Variants in SGCZ observed in about 807,000 individuals in gnomAD.
SGCZ encodes the protein sarcoglycan zeta, also known as zeta-sarcoglycan.
Under a neutral mutation model 41.3 loss-of-function variants are expected in SGCZ, and 40 were observed. The ratio of observed to expected loss-of-function variants is 0.97; its 90% CI spans 0.75 to 1.26. SGCZ has a LOEUF of 1.26. Ranked by LOEUF, SGCZ falls within the 50% of genes most tolerant of loss-of-function variation. The probability of loss-of-function intolerance (pLI) is 0.00; values close to 1 mark genes in which losing one functional copy is unlikely to be tolerated. For missense variants in SGCZ, 552 were observed against 369.8 expected, an observed-to-expected ratio of 1.49 and a Z score of -4.04; for synonymous variants, 206 against 137.5, an observed-to-expected ratio of 1.50 and a Z score of -3.49.
chr8:14,515,073 TA>T (rs1399424315), intron 2 of SGCZ, among the ~76,000 whole-genome samples: 1 of 152,024 alleles, frequency 6.6e-6, no homozygotes, highest in Non-Finnish European at 1.5e-5. Flanking sequence ...AACTTTGCTC[TA>T]GGGAAAATAG....
At chr8:14,531,202 A>G (rs1482624119) in intron 2 of SGCZ, among the ~76,000 whole-genome samples, 6 of 151,920 alleles carry the variant, frequency 3.9e-5, no homozygotes, top group Non-Finnish European at 8.8e-5. Flanking sequence ...GCCTATTCAT[A>G]AACCTATCAG....
intron 1 of SGCZ, among the ~76,000 whole-genome samples, chr8:14,695,339 T>G (rs1054020760): frequency 2.0e-5 from 3 of 152,198 alleles, no homozygotes; most frequent in African/African-American, 7.2e-5. Flanking sequence ...AATTATTTTA[T>G]ATGTATTGCA....
intron 1 of SGCZ, among the ~76,000 whole-genome samples, chr8:14,830,659 TC>T (rs1802495328): frequency 6.6e-6 from 1 of 152,282 alleles, no homozygotes; most frequent in South Asian, 2.1e-4. Flanking sequence ...ATTATTTTTT[TC>T]ATATCACAGT....
At chr8:14,375,672 G>T (rs77198382) in intron 2 of SGCZ, among the ~76,000 whole-genome samples, 6,803 of 152,150 alleles carry the variant, frequency 0.045, 498 homozygotes, top group African/African-American at 0.15. Context: ...TTACACAACT[G>T]TGGAAAATAA....
chr8:14,992,093 T>C lies in SGCZ; in HGVS notation c.39+245492A>G, dbSNP rs888399904. 1.0e-4 allele frequency among the ~76,000 whole-genome samples: 15 copies of C among 146,368 alleles called. 2 individuals are homozygous for C. Among genetic ancestry groups the C allele is most frequent in the Admixed American group, 8.9e-4 (13 of 14,566 alleles). ...ATTTACCTCTCACCCATCCTCCTCA[T>C]CCAATCTACTCCCAAATCTATTCCC... On this transcript the variant is annotated intron_variant, in intron 1 of 7. Transcript: ENST00000382080.
intron 1 of SGCZ, among the ~76,000 whole-genome samples, chr8:14,942,701 C>T (rs1443777903): frequency 6.6e-6 from 1 of 152,140 alleles, no homozygotes; most frequent in South Asian, 2.1e-4. Context: ...AACTATATTT[C>T]TCCCTTTTGT....
intron 1 of SGCZ, among the ~76,000 whole-genome samples, chr8:15,116,189 T>G (rs1368960414): frequency 6.6e-6 from 1 of 152,194 alleles, no homozygotes; most frequent in Non-Finnish European, 1.5e-5. Flanking sequence ...AACTCTTCAT[T>G]TTTAAATGTA....
chr8:14,276,554 C>G (rs1002582952), intron 3 of SGCZ, among the ~76,000 whole-genome samples: 2 of 152,138 alleles, frequency 1.3e-5, no homozygotes, highest in African/African-American at 2.4e-5. Flanking sequence ...TATCACTGGA[C>G]TCTGCTCTCT....
At chr8:14,379,250 T>C (rs1232235826) in intron 2 of SGCZ, among the ~76,000 whole-genome samples, 4 of 152,176 alleles carry the variant, frequency 2.6e-5, no homozygotes, top group Admixed American at 1.3e-4. Flanking sequence ...TTTCTCACCA[T>C]TTTAAGTAAC....
intron 1 of SGCZ, among the ~76,000 whole-genome samples, chr8:14,762,782 G>A (rs537813871): frequency 6.6e-6 from 1 of 152,156 alleles, no homozygotes; most frequent in South Asian, 2.1e-4. Context: ...TGAAATACAT[G>A]AAGAAGTATT....
At chr8:15,191,826 C>CTCTATTT (rs1022895178) in intron 1 of SGCZ, among the ~76,000 whole-genome samples, 1 of 151,976 alleles carries the variant, frequency 6.6e-6, no homozygotes, top group African/African-American at 2.4e-5. Flanking sequence ...TTTAATTATA[C>CTCTATTT]AAAATGACTC....
At chr8:14,637,653 C>T (rs893305249) in intron 1 of SGCZ, among the ~76,000 whole-genome samples, 3 of 151,742 alleles carry the variant, frequency 2.0e-5, no homozygotes, top group Admixed American at 6.6e-5. Context: ...GACATGATTC[C>T]GTTCTTTTTT....
intron 1 of SGCZ, among the ~76,000 whole-genome samples, chr8:14,978,454 G>A (rs1270806591): frequency 2.0e-5 from 2 of 101,886 alleles, no homozygotes; most frequent in Non-Finnish European, 1.7e-5. Context: ...CTGGAGGACC[G>A]AGTGAGACAC....
chr8:14,620,510 G>C (rs541371080), intron 1 of SGCZ, among the ~76,000 whole-genome samples: 7 of 152,016 alleles, frequency 4.6e-5, no homozygotes, highest in Admixed American at 2.6e-4. Context: ...GCAACCTACA[G>C]AATGGGAGAA....
At position 14,739,862 on chromosome 8, in the gene SGCZ, G is replaced by A. The variant is rs548533721; in HGVS notation, c.40-184936C>T. ...TTCCATTTTTATCCAAAGTTCTATC[G>A]CAATTTCTCATTTAATTTCACTACA... On this transcript the variant is annotated intron_variant, in intron 1 of 7. Coordinates refer to ENST00000382080, the MANE Select transcript of SGCZ (RefSeq NM_139167.4). Among the ~76,000 whole-genome samples, 6 of 152,032 alleles carry A rather than the reference G, an allele frequency of 3.9e-5. No homozygotes were observed. In the East Asian group the frequency reaches 9.7e-4, roughly 25 times the overall value.
intron 2 of SGCZ, among the ~76,000 whole-genome samples, chr8:14,381,455 T>C (rs1804360158): frequency 6.6e-6 from 1 of 152,056 alleles, no homozygotes; most frequent in African/African-American, 2.4e-5. Flanking sequence ...CTCCCTGTCC[T>C]CTAAGAATAC....
At chr8:14,694,082 T>A (rs1167792248) in intron 1 of SGCZ, among the ~76,000 whole-genome samples, 1 of 152,172 alleles carries the variant, frequency 6.6e-6, no homozygotes, top group Non-Finnish European at 1.5e-5. Context: ...CTTATATTAA[T>A]ATTTGGGGAA....
chr8:14,137,788 T>C (rs1459159104), intron 5 of SGCZ, among the ~76,000 whole-genome samples: 1 of 152,138 alleles, frequency 6.6e-6, no homozygotes, highest in Non-Finnish European at 1.5e-5. Flanking sequence ...TTCCCCAATC[T>C]AGCAAGGCAG....
intron 2 of SGCZ, among the ~76,000 whole-genome samples, chr8:14,545,255 A>T (rs1803589485): frequency 6.6e-6 from 1 of 151,982 alleles, no homozygotes; most frequent in African/African-American, 2.4e-5. Context: ...GAGTTTACCA[A>T]CTGGCAATAG....
Sources: allele counts gnomAD v4.1 joint callset (sites outside exome capture counted in the v4.1 genomes callset), GRCh38; gene constraint gnomAD v4.1.1; transcripts MANE v1.5; gene names NCBI Gene and HGNC (gene_info 2026-07-23, HGNC 2026-07-21).